Variants in AFF2 observed in about 807,000 individuals in gnomAD.
The protein encoded by AFF2 is AF4/FMR2 family member 2.
In AFF2, 14 loss-of-function variants were observed where a neutral mutation model predicts 76.9. The observed-to-expected ratio is 0.18, with a 90% CI of 0.12 to 0.28. The LOEUF (loss-of-function observed/expected upper bound fraction) is 0.28. Ranked by LOEUF, AFF2 falls within the 10% of genes least tolerant of loss-of-function variation. AFF2 has a pLI of 1.00. For missense variants in AFF2, 868 were observed against 1,001.1 expected (o/e 0.87, Z 1.79); for synonymous variants, 398 against 366.7 (o/e 1.09, Z -0.98).
At chrX:148,507,115 C>A (rs1325643668) in intron 1 of AFF2, among the ~76,000 whole-genome samples, 1 of 112,280 alleles carries the variant, frequency 8.9e-6, no homozygotes, top group Non-Finnish European at 1.9e-5. Context: ...CTGTTCCATG[C>A]AAATGCAGGT....
intron 1 of AFF2, among the ~76,000 whole-genome samples, chrX:148,563,308 G>A (rs782708465): frequency 8.9e-6 from 1 of 112,143 alleles, no homozygotes; most frequent in South Asian, 3.7e-4. Context: ...AGCATGGGCA[G>A]GGGGATCTGA....
intron 9 of AFF2, among the ~76,000 whole-genome samples, chrX:148,923,114 T>C (rs782390935): frequency 4.2e-4 from 47 of 111,874 alleles, no homozygotes; most frequent in Non-Finnish European, 6.2e-4. Context: ...GAATGTCCTT[T>C]GGCTTGTGCT....
At chrX:148,620,288 A>G (rs1557251056) in intron 1 of AFF2, among the ~76,000 whole-genome samples, 1 of 111,241 alleles carries the variant, frequency 9.0e-6, no homozygotes. Context: ...GGAATGAGTT[A>G]GGTGGCAGGG....
chrX:148,516,743 G>A lies in AFF2; in HGVS notation c.47+15599G>A, dbSNP rs180787758. 1.1e-3 allele frequency among the ~76,000 whole-genome samples: 121 copies of A among 111,653 alleles called. 1 individual carries two copies. The highest frequency in any genetic ancestry group is 3.7e-3 in the African/African-American group (115 of 30,731). On this transcript the variant is annotated intron_variant, in intron 1 of 20. Transcript: ENST00000370460. The stretch of plus-strand genomic sequence containing the variant: ...TAGTAGAGCTGGGATTTGAACCCTG[G>A]CACTGTAACACTGAACTGTGATACA...
At chrX:148,887,820 A>G (rs1311956567) in intron 8 of AFF2, among the ~76,000 whole-genome samples, 2 of 111,740 alleles carry the variant, frequency 1.8e-5, no homozygotes, top group Admixed American at 1.9e-4. Context: ...TCCTAGGAGC[A>G]AGATGTAGGC....
chrX:148,840,316 G>A (rs781988873), intron 5 of AFF2, among the ~76,000 whole-genome samples: 7 of 111,984 alleles, frequency 6.3e-5, no homozygotes, highest in Non-Finnish European at 1.3e-4. Context: ...GAATTCAAAT[G>A]TCAGTGTCTA....
At chrX:148,777,105 A>C (rs2069677504) in intron 3 of AFF2, among the ~76,000 whole-genome samples, 1 of 112,099 alleles carries the variant, frequency 8.9e-6, no homozygotes, top group Admixed American at 9.4e-5. Flanking sequence ...ACCATTTATT[A>C]AATAGGGAAT....
intron 3 of AFF2, among the ~76,000 whole-genome samples, chrX:148,796,386 A>G (rs1447242707): frequency 9.0e-6 from 1 of 111,602 alleles, no homozygotes; most frequent in Non-Finnish European, 1.9e-5. Context: ...AAGAGTTAGC[A>G]GCAGTCATTG....
At position 148,842,948 on chromosome X, in the gene AFF2, A is replaced by G. The variant is rs782426399; in HGVS notation, c.1174-18A>G. 1.0e-5 allele frequency: 12 copies of G among 1,174,447 alleles called. No individual in the cohort carries two copies. The African/African-American group carries it at 1.2e-4, about 12-fold the overall frequency. ...GTCATTTAACTAATGTTTGTGTCAT[A>G]TATATTATTCCTTATAGGAATCGCA... On this transcript the variant is annotated intron_variant, in intron 5 of 20. Transcript: ENST00000370460.
At chrX:148,748,252 G>A (rs1358387916) in intron 3 of AFF2, among the ~76,000 whole-genome samples, 1 of 112,099 alleles carries the variant, frequency 8.9e-6, no homozygotes, top group African/African-American at 3.2e-5. Context: ...GGCTGTGTTT[G>A]TCAGCCTGTC....
At chrX:148,717,231 T>C (rs185546460) in intron 3 of AFF2, among the ~76,000 whole-genome samples, 8 of 112,275 alleles carry the variant, frequency 7.1e-5, no homozygotes, top group African/African-American at 2.6e-4. Context: ...TATTCAGCCA[T>C]GTAAATGAAT....
In AFF2 at chrX:148,998,860, C is replaced by G. The variant is rs782016230; in HGVS notation, c.*7528C>G. 1 of 108,862 alleles carries G rather than the reference C, an allele frequency of 9.2e-6. No homozygotes were observed. The highest frequency in any genetic ancestry group is 1.9e-5 in the Non-Finnish European group (1 of 52,340). 9.0% of individuals were successfully genotyped at this position (108,862 alleles called of 1,213,427 possible). A position where few individuals can be genotyped will look rare whatever the true frequency, so the allele number is the denominator to read the frequency against. Reference sequence around the variant, plus strand: ...ATTGCAATGGTCTCTCTCTCTCTCCCCCTCTCTCTCTCTCTCCTCTATTCT... The same window carrying G: ...ATTGCAATGGTCTCTCTCTCTCTCCGCCTCTCTCTCTCTCTCCTCTATTCT... On this transcript the variant is annotated 3_prime_UTR_variant, in exon 21 of 21. Coordinates refer to ENST00000370460, the MANE Select transcript of AFF2 (RefSeq NM_002025.4).
chrX:148,953,814 G>C (rs12011971), intron 10 of AFF2, 75 bp downstream of exon 10: 32,349 of 615,606 alleles, frequency 0.053, 1,831 homozygotes, highest in African/African-American at 0.35. Context: ...CACACACACA[G>C]ACACACACAC....
intron 3 of AFF2, among the ~76,000 whole-genome samples, chrX:148,762,409 G>GTATATATATATATATATATA (rs372864201): frequency 3.6e-4 from 31 of 86,674 alleles, no homozygotes; most frequent in African/African-American, 1.1e-3. Flanking sequence ...GTATTCTATG[G>GTATATATATATATATATATA]TATATATATA....
chrX:148,636,819 A>G (rs1304963899), intron 1 of AFF2, among the ~76,000 whole-genome samples: 1 of 110,279 alleles, frequency 9.1e-6, no homozygotes, highest in Non-Finnish European at 1.9e-5. Context: ...GAAAAAAAAA[A>G]CCAGACATAA....
At chrX:148,770,241 T>C (rs2069570202) in intron 3 of AFF2, among the ~76,000 whole-genome samples, 1 of 111,023 alleles carries the variant, frequency 9.0e-6, no homozygotes, top group Admixed American at 9.6e-5. Flanking sequence ...CTAGGAGAGG[T>C]GTAGATTAAC....
chrX:148,899,749 T>C (rs1347534535), intron 8 of AFF2, among the ~76,000 whole-genome samples: 1 of 111,073 alleles, frequency 9.0e-6, no homozygotes, highest in Non-Finnish European at 1.9e-5. Flanking sequence ...AGTATTATTA[T>C]TGATTATGGA....
chrX:148,696,373 C>T (rs150515982), intron 3 of AFF2, among the ~76,000 whole-genome samples: 2,413 of 110,255 alleles, frequency 0.022, 64 homozygotes, highest in African/African-American at 0.076. Flanking sequence ...GGGTGCAGCA[C>T]ACCAACATGG....
At chrX:148,978,565 T>G in intron 18 of AFF2, 110 bp downstream of exon 18, 1 of 545,282 alleles carries the variant, frequency 1.8e-6, no homozygotes, top group Non-Finnish European at 3.0e-6. Context: ...ACCTCTCTCC[T>G]CCCTGCTGGC....
Sources: allele counts gnomAD v4.1 joint callset (sites outside exome capture counted in the v4.1 genomes callset), GRCh38; gene constraint gnomAD v4.1.1; transcripts MANE v1.5; gene names NCBI Gene and HGNC (gene_info 2026-07-23, HGNC 2026-07-21).